ATG13: variants seen among roughly 807,000 people sequenced by gnomAD.
ATG13 encodes the protein autophagy related 13, also known as autophagy-related protein 13.
In ATG13, 23 loss-of-function variants were observed where a neutral mutation model predicts 65.5. The ratio of observed to expected loss-of-function variants is 0.35; its 90% CI spans 0.25 to 0.50. ATG13 has a LOEUF of 0.50. Among genes scored for constraint, ATG13 ranks in the 20% least tolerant of loss-of-function variants. The probability of loss-of-function intolerance (pLI) is 0.98; values close to 1 mark genes in which losing one functional copy is unlikely to be tolerated. For synonymous variants in ATG13, 252 were observed against 245.2 expected, an observed-to-expected ratio of 1.03 and a Z score of -0.26; for missense variants, 566 against 677.0, an observed-to-expected ratio of 0.84 and a Z score of 1.82.
Position 46,665,406 on chromosome 11 carries a change from T to G in ATG13, c.1023T>G (p.Gly341=). 1 of 1,614,042 alleles carries G rather than the reference T, an allele frequency of 6.2e-7. No homozygotes were observed. Among genetic ancestry groups the G allele is most frequent in the African/African-American group, 1.3e-5 (1 of 75,036 alleles). ...AGCTGATGGTTCCTGGGAAGGAAGG[T>G]GGGGTACCCCTTGCTCCCAACCAGC... ...PHQLMVPGKE[G]GVPLAPNQPV... The change falls in exon 14 of 19, where the codon GGT becomes GGG. Residue 341 remains glycine (G), a synonymous_variant. Coordinates refer to ENST00000683050, the MANE Select transcript of ATG13 (RefSeq NM_001346311.2).
chr11:46,656,351 T>TATA, intron 8 of ATG13, 78 bp downstream of exon 8: 1 of 1,393,484 alleles, frequency 7.2e-7, no homozygotes, highest in Non-Finnish European at 1.0e-6. Flanking sequence ...TTCTACTTGT[T>TATA]ATAATATGTA....
At chr11:46,659,536 G>A (rs1414624008) in intron 11 of ATG13, 51 bp downstream of exon 11, 1 of 1,448,798 alleles carries the variant, frequency 6.9e-7, no homozygotes, top group East Asian at 2.3e-5. Flanking sequence ...TATATATATG[G>A]GCTTTATGAA....
At chr11:46,655,348 A>T (rs1249626069) in intron 7 of ATG13, among the ~76,000 whole-genome samples, 1 of 152,088 alleles carries the variant, frequency 6.6e-6, no homozygotes, top group African/African-American at 2.4e-5. Flanking sequence ...CAGTGAGCCG[A>T]GATTGCACCA....
intron 1 of ATG13, among the ~76,000 whole-genome samples, chr11:46,628,269 G>A (rs989108285): frequency 1.3e-5 from 2 of 151,980 alleles, no homozygotes; most frequent in Non-Finnish European, 2.9e-5. Flanking sequence ...TGGTGTGGTG[G>A]CATGTGCCTC....
intron 3 of ATG13, 58 bp downstream of exon 3, chr11:46,644,418 C>T: frequency 7.1e-7 from 1 of 1,416,564 alleles, no homozygotes; most frequent in Admixed American, 2.1e-5. Flanking sequence ...GTGCTTCTCC[C>T]TTTTGCGAAC....
chr11:46,633,068 A>G (rs1335764375), intron 2 of ATG13, among the ~76,000 whole-genome samples: 1 of 136,238 alleles, frequency 7.3e-6, no homozygotes, highest in African/African-American at 2.7e-5. Flanking sequence ...TCTGTCGCCC[A>G]GGCTGGAGTG....
rs1355942437 is a variant in ATG13 at position 46,672,331 on chromosome 11, A to T, written c.1652A>T (p.Ter551LeuextTer4). ...GATGCCTTTGTGGAAACCCTGCAGT[A>T]AAAGTATCCTTGAGTCCCAGCAGCA... The part of the protein sequence containing the change: ...EFDAFVETLQ[*>L] The change falls in exon 19 of 19, where the codon TAA becomes TTA. Residue 551 changes from the stop codon to leucine, a stop_lost. Transcript: ENST00000683050. 1.2e-6 allele frequency: 2 copies of T among 1,614,226 alleles called. No individual in the cohort carries two copies. Among genetic ancestry groups the T allele is most frequent in the Non-Finnish European group, 8.5e-7 (1 of 1,180,030 alleles).
intron 2 of ATG13, among the ~76,000 whole-genome samples, chr11:46,641,999 A>G (rs964969344): frequency 9.9e-5 from 15 of 151,574 alleles, no homozygotes; most frequent in African/African-American, 3.4e-4. Flanking sequence ...CTGGTCTCCA[A>G]CTCCTGGTCT....
At chr11:46,622,098 TATATATATATATATATATATATATATA>T (rs1565397803) in intron 1 of ATG13, among the ~76,000 whole-genome samples, 5 of 64,528 alleles carry the variant, frequency 7.7e-5, no homozygotes, top group African/African-American at 3.8e-4. Flanking sequence ...TATATATATA[TATATATATATATATATATATATATATA>T]TATTTATTTT....
chr11:46,634,622 T>G (rs1019757792), intron 2 of ATG13, among the ~76,000 whole-genome samples: 2 of 152,034 alleles, frequency 1.3e-5, no homozygotes, highest in African/African-American at 2.4e-5. Context: ...CTCAAACTCC[T>G]GACCTCAAGT....
chr11:46,627,107 G>A (rs986300223), intron 1 of ATG13, among the ~76,000 whole-genome samples: 2 of 152,132 alleles, frequency 1.3e-5, no homozygotes, highest in African/African-American at 2.4e-5. Flanking sequence ...CGGGCCGGGC[G>A]TGATGGCTCA....
chr11:46,643,511 C>G (rs12278517), intron 2 of ATG13, among the ~76,000 whole-genome samples: 5,679 of 152,178 alleles, frequency 0.037, 367 homozygotes, highest in African/African-American at 0.13. Flanking sequence ...ATTTCTAAAC[C>G]TAATTTGCTC....
intron 2 of ATG13, among the ~76,000 whole-genome samples, chr11:46,643,350 T>A (rs1225410778): frequency 6.6e-6 from 1 of 152,134 alleles, no homozygotes; most frequent in Non-Finnish European, 1.5e-5. Flanking sequence ...CATGACTACT[T>A]GGTCCCCCAG....
intron 2 of ATG13, among the ~76,000 whole-genome samples, chr11:46,641,036 A>G (rs991581288): frequency 1.3e-5 from 2 of 152,234 alleles, no homozygotes; most frequent in Non-Finnish European, 2.9e-5. Flanking sequence ...TATGATAGCT[A>G]AAAACAGGAA....
chr11:46,663,087 A>G (rs1051214485), intron 11 of ATG13, among the ~76,000 whole-genome samples: 1 of 152,022 alleles, frequency 6.6e-6, no homozygotes, highest in African/African-American at 2.4e-5. Context: ...AACACGGTGA[A>G]ACCCCGTCTC....
At chr11:46,645,767 C>T in intron 4 of ATG13, 103 bp from the exon 5 acceptor site, 1 of 1,481,408 alleles carries the variant, frequency 6.8e-7, no homozygotes, top group Non-Finnish European at 9.2e-7. Flanking sequence ...AATTGTCTTC[C>T]TTAATCAGCC....
At chr11:46,672,119 C>G in intron 18 of ATG13, 136 bp from the exon 19 acceptor site, 2 of 1,400,406 alleles carry the variant, frequency 1.4e-6, no homozygotes, top group Non-Finnish European at 9.8e-7. Context: ...CGCAGCTGCC[C>G]TGCGTTCTCC....
At chr11:46,667,111 A>G (rs2062547905) in intron 14 of ATG13, among the ~76,000 whole-genome samples, 1 of 152,126 alleles carries the variant, frequency 6.6e-6, no homozygotes, top group Non-Finnish European at 1.5e-5. Flanking sequence ...TCTTAAATGG[A>G]GGTCATAAGA....
At chr11:46,670,117 CT>C (rs2063363066) in intron 18 of ATG13, among the ~76,000 whole-genome samples, 1 of 152,152 alleles carries the variant, frequency 6.6e-6, no homozygotes, top group Non-Finnish European at 1.5e-5. Flanking sequence ...TGATCACCTC[CT>C]AAATAGATAT....
Sources: gnomAD v4.1 joint callset for allele counts (sites outside exome capture counted in the v4.1 genomes callset) on GRCh38, gnomAD v4.1.1 for gene constraint, MANE v1.5 for transcripts, NCBI Gene and HGNC (gene_info 2026-07-23, HGNC 2026-07-21) for gene names.